The following RAD23B variants were observed in gnomAD, a reference collection of about 807,000 sequenced individuals.
The protein encoded by RAD23B is lysine-specific demethylase RAD23B.
RAD23B carries 5 observed loss-of-function variants against 49.1 expected under a neutral mutation model. The ratio of observed to expected loss-of-function variants is 0.10; its 90% CI spans 0.05 to 0.21. RAD23B has a LOEUF of 0.21. Among genes scored for constraint, RAD23B ranks in the 10% least tolerant of loss-of-function variants. The pLI is 1.00. For synonymous variants in RAD23B, 184 were observed against 165.4 expected, an observed-to-expected ratio of 1.11 and a Z score of -0.86; for missense variants, 356 against 486.7, an observed-to-expected ratio of 0.73 and a Z score of 2.53.
chr9:107,324,358 A>G (rs921047550), intron 8 of RAD23B, among the ~76,000 whole-genome samples: 11 of 152,160 alleles, frequency 7.2e-5, no homozygotes, highest in African/African-American at 2.7e-4. Context: ...CAAGCTTATT[A>G]CTCAGTTCCT....
intron 1 of RAD23B, among the ~76,000 whole-genome samples, chr9:107,297,499 C>T (rs568001851): frequency 1.2e-4 from 18 of 152,030 alleles, no homozygotes; most frequent in Admixed American, 8.5e-4. Flanking sequence ...AGCCACCATG[C>T]CCGGCTAATT....
intron 5 of RAD23B, among the ~76,000 whole-genome samples, chr9:107,316,654 G>C (rs1277728735): frequency 6.6e-6 from 1 of 151,996 alleles, no homozygotes; most frequent in African/African-American, 2.4e-5. Flanking sequence ...TGTGATATTT[G>C]GGGGTTTTTA....
In RAD23B at chr9:107,331,022, A is replaced by G. The variant is rs1259718765; in HGVS notation, c.*1366A>G. 6.6e-6 allele frequency: 1 copy of G among 152,406 alleles called. No homozygotes were observed. The highest frequency in any genetic ancestry group is 1.9e-4 in the East Asian group (1 of 5,174). 9.4% of individuals were successfully genotyped at this position (152,406 alleles called of 1,614,324 possible). On this transcript the variant is annotated 3_prime_UTR_variant, in exon 10 of 10. Coordinates refer to ENST00000358015, the MANE Select transcript of RAD23B (RefSeq NM_002874.5). Reference sequence around the variant, plus strand: ...GTTTTTCAAATCTGTTTTCCTGAGTATAAATAAGAGTATTTAAAGAAATAA... The same window carrying G: ...GTTTTTCAAATCTGTTTTCCTGAGTGTAAATAAGAGTATTTAAAGAAATAA...
intron 1 of RAD23B, among the ~76,000 whole-genome samples, chr9:107,285,636 G>A (rs566132578): frequency 1.7e-4 from 26 of 152,146 alleles, no homozygotes; most frequent in Non-Finnish European, 2.9e-4. Context: ...TATTTCCAAG[G>A]AAAAGTAATA....
intron 1 of RAD23B, among the ~76,000 whole-genome samples, chr9:107,291,727 C>G (rs75923809): frequency 6.6e-6 from 1 of 152,166 alleles, no homozygotes; most frequent in East Asian, 1.9e-4. Context: ...AGGAGAAGAA[C>G]CGAAGAACCA....
chr9:107,328,269 C>T (rs1202456010), intron 9 of RAD23B, among the ~76,000 whole-genome samples: 1 of 152,172 alleles, frequency 6.6e-6, no homozygotes, highest in Non-Finnish European at 1.5e-5. Flanking sequence ...TATAATCTGA[C>T]ACAGCAGTCT....
rs1334434402 is a variant in RAD23B at position 107,325,185 on chromosome 9, A to G, written c.1116+181A>G. The G allele has an allele frequency of 9.0e-6, 4 of 446,820 alleles. No individual in the cohort carries two copies. In the East Asian group the frequency reaches 2.0e-4, roughly 23 times the overall value. The allele number at this position is 446,820 out of a possible 1,614,324, so 27.7% of individuals were successfully genotyped here. On this transcript the variant is annotated intron_variant, in intron 9 of 9. Transcript: ENST00000358015. ...CAAAAATTAGCTGGCGTGGTGGCACATACCTGTAATCTCAGCTACTTGGGA... is the reference window on the plus strand; with the variant it reads ...CAAAAATTAGCTGGCGTGGTGGCACGTACCTGTAATCTCAGCTACTTGGGA...
At chr9:107,311,586 C>G (rs1826887749) in intron 4 of RAD23B, 96 bp from the exon 5 acceptor site, 2 of 804,472 alleles carry the variant, frequency 2.5e-6, no homozygotes, top group Non-Finnish European at 3.8e-6. Flanking sequence ...TAATTAAAAT[C>G]AAAGAATCTG....
chr9:107,322,242 C>G (rs1379115983), intron 7 of RAD23B, 124 bp downstream of exon 7: 7 of 1,203,222 alleles, frequency 5.8e-6, no homozygotes, highest in Non-Finnish European at 7.9e-6. Flanking sequence ...GTTAAGTTCT[C>G]TCTTCACTAA....
At chr9:107,312,416 G>A (rs1296272397) in intron 5 of RAD23B, among the ~76,000 whole-genome samples, 1 of 152,150 alleles carries the variant, frequency 6.6e-6, no homozygotes, top group East Asian at 1.9e-4. Flanking sequence ...TGCAGTACAG[G>A]CTTCTGGATT....
chr9:107,292,680 A>C (rs1833407574), intron 1 of RAD23B, among the ~76,000 whole-genome samples: 1 of 27,150 alleles, frequency 3.7e-5, no homozygotes, highest in Non-Finnish European at 9.3e-5. Flanking sequence ...CTCTGTCAAA[A>C]AAAAAAAAAA....
At chr9:107,295,975 C>T (rs185985972) in intron 1 of RAD23B, among the ~76,000 whole-genome samples, 17 of 152,226 alleles carry the variant, frequency 1.1e-4, no homozygotes. Flanking sequence ...ACTCTAGGGA[C>T]CAAGTCTTAA....
chr9:107,305,028 C>A (rs190768991), intron 3 of RAD23B, among the ~76,000 whole-genome samples: 11 of 152,224 alleles, frequency 7.2e-5, no homozygotes, highest in African/African-American at 2.4e-4. Context: ...GTGGCTGATG[C>A]CTGTAATCCC....
intron 1 of RAD23B, among the ~76,000 whole-genome samples, chr9:107,298,618 A>G (rs1826583484): frequency 6.6e-6 from 1 of 150,516 alleles, no homozygotes; most frequent in Non-Finnish European, 1.5e-5. Context: ...GGCATCAGCC[A>G]CTGCGCCTGA....
At chr9:107,325,988 A>C (rs748103793) in intron 9 of RAD23B, among the ~76,000 whole-genome samples, 1 of 152,108 alleles carries the variant, frequency 6.6e-6, no homozygotes, top group Non-Finnish European at 1.5e-5. Context: ...TAAGATGATC[A>C]TGTGATTTTT....
At chr9:107,291,437 C>T (rs1833382976) in intron 1 of RAD23B, among the ~76,000 whole-genome samples, 1 of 152,110 alleles carries the variant, frequency 6.6e-6, no homozygotes, top group Non-Finnish European at 1.5e-5. Context: ...AAATAATAGC[C>T]TTTTGGATCA....
Position 107,302,090 on chromosome 9 carries a change from C to T in RAD23B, c.204C>T (p.Asn68=). The T allele has an allele frequency of 6.2e-7, 1 of 1,612,942 alleles. No homozygotes were observed. The highest frequency in any genetic ancestry group is 1.1e-5 in the South Asian group (1 of 91,056). ...ALKEYKIDEK[N]FVVVMVTKPK... ...AAGAATATAAAATTGATGAGAAAAA[C>T]TTTGTGGTGGTTATGGTGACCAAAG... The change falls in exon 3 of 10, where the codon AAC becomes AAT. Residue 68 remains asparagine, a synonymous_variant. Transcript: ENST00000358015.
At chr9:107,302,640 G>GTGAGGAAGT (rs1554741382) in intron 3 of RAD23B, among the ~76,000 whole-genome samples, 1 of 148,974 alleles carries the variant, frequency 6.7e-6, no homozygotes, top group African/African-American at 2.5e-5. Flanking sequence ...TTATGAGGAA[G>GTGAGGAAGT]TTTTTTTTGT....
chr9:107,286,339 C>T (rs1833271962), intron 1 of RAD23B, among the ~76,000 whole-genome samples: 1 of 152,098 alleles, frequency 6.6e-6, no homozygotes, highest in African/African-American at 2.4e-5. Flanking sequence ...CTTCTGGGAG[C>T]CTTATTGACT....
Sources: gnomAD v4.1 joint callset for allele counts (sites outside exome capture counted in the v4.1 genomes callset) on GRCh38, gnomAD v4.1.1 for gene constraint, MANE v1.5 for transcripts, NCBI Gene and HGNC (gene_info 2026-07-23, HGNC 2026-07-21) for gene names.